Variants in RPH3A observed in about 807,000 individuals in gnomAD.
RPH3A encodes the protein rabphilin 3A.
Under a neutral mutation model 102.2 loss-of-function variants are expected in RPH3A, and 48 were observed. The observed-to-expected ratio is 0.47, with a 90% CI of 0.37 to 0.60. RPH3A has a LOEUF of 0.60. Among genes scored for constraint, RPH3A ranks in the 20% least tolerant of loss-of-function variants. RPH3A has a pLI of 0.00. For synonymous variants in RPH3A, 310 were observed against 324.3 expected (o/e 0.96, Z 0.47); for missense variants, 781 against 910.1 (o/e 0.86, Z 1.83).
At chr12:112,810,563 C>T (rs2041553400) in intron 2 of RPH3A, among the ~76,000 whole-genome samples, 1 of 152,254 alleles carries the variant, frequency 6.6e-6, no homozygotes, top group African/African-American at 2.4e-5. Context: ...TTTTCTTCCA[C>T]TTTACCTCCT....
chr12:112,654,173 T>TG (rs1220521534), intron 1 of RPH3A, among the ~76,000 whole-genome samples: 4 of 152,336 alleles, frequency 2.6e-5, no homozygotes, highest in East Asian at 1.9e-4. Flanking sequence ...AAACACGTCC[T>TG]GGGGGGTTTG....
At chr12:112,678,737 G>T (rs2136014906) in intron 1 of RPH3A, among the ~76,000 whole-genome samples, 1 of 152,236 alleles carries the variant, frequency 6.6e-6, no homozygotes, top group South Asian at 2.1e-4. Context: ...TCCATGTCAG[G>T]TGTGGCGCTC....
At chr12:112,858,284 A>G (rs1390377765) in intron 5 of RPH3A, among the ~76,000 whole-genome samples, 6 of 150,286 alleles carry the variant, frequency 4.0e-5, no homozygotes, top group African/African-American at 1.2e-4. Context: ...AAAAAAAAAA[A>G]AAAAAAAAAA....
chr12:112,801,850 G>A (rs1372428177), intron 2 of RPH3A, among the ~76,000 whole-genome samples: 1 of 151,868 alleles, frequency 6.6e-6, no homozygotes, highest in Non-Finnish European at 1.5e-5. Context: ...TATTTCTATT[G>A]CTTGTATATG....
chr12:112,855,401 C>A (rs1285964455), intron 5 of RPH3A, among the ~76,000 whole-genome samples: 3 of 152,206 alleles, frequency 2.0e-5, no homozygotes, highest in Non-Finnish European at 4.4e-5. Flanking sequence ...CAGCACCTTG[C>A]CCAGCATGGA....
intron 8 of RPH3A, 165 bp from the exon 9 acceptor site, chr12:112,869,594 T>G (rs749728373): frequency 5.3e-5 from 36 of 673,510 alleles, no homozygotes; most frequent in Middle Eastern, 4.1e-4. Flanking sequence ...AATGTGAAAT[T>G]GTAAACAGGA....
At chr12:112,599,381 C>A (rs2039540674) in intron 1 of RPH3A, among the ~76,000 whole-genome samples, 1 of 152,190 alleles carries the variant, frequency 6.6e-6, no homozygotes, top group African/African-American at 2.4e-5. Context: ...CATGCCTATA[C>A]AATGCAACAT....
chr12:112,729,252 T>C (rs1436127960), intron 1 of RPH3A, among the ~76,000 whole-genome samples: 1 of 152,020 alleles, frequency 6.6e-6, no homozygotes, highest in African/African-American at 2.4e-5. Context: ...TCCCTCCTAT[T>C]TGGTGGCACA....
At chr12:112,741,775 C>T (rs1298215028) in intron 1 of RPH3A, among the ~76,000 whole-genome samples, 1 of 152,194 alleles carries the variant, frequency 6.6e-6, no homozygotes, top group Non-Finnish European at 1.5e-5. Flanking sequence ...ATACAGCACA[C>T]AGGCCCCCCA....
intron 1 of RPH3A, among the ~76,000 whole-genome samples, chr12:112,711,756 A>G (rs945670094): frequency 6.6e-6 from 1 of 152,164 alleles, no homozygotes; most frequent in African/African-American, 2.4e-5. Flanking sequence ...GATAACCCAT[A>G]CTGCTTGCTG....
Position 112,778,688 on chromosome 12 carries a change from G to A in RPH3A, c.-139-13455G>A, listed in dbSNP as rs527497401. Among the ~76,000 whole-genome samples the A allele has an allele frequency of 1.2e-4, 18 of 152,262 alleles. No homozygotes were observed. In the South Asian group the frequency reaches 2.3e-3, roughly 19 times the overall value. On this transcript the variant is annotated intron_variant, in intron 1 of 21. Coordinates refer to the RPH3A transcript ENST00000543106. ...ATTGCTCTCTCTCTTTTGCATAGGC[G>A]TCAACTTCAGGCTGGAGGATACAAA...
chr12:112,791,867 G>GGAGAGAGAGCGAGAGAGA lies in RPH3A; in HGVS notation c.-276_-275insCGAGAGAGAGAGAGAGAG, dbSNP rs1555209153. ...CGCGGACTGGAAAGGAAGGGAGAAG[G>GGAGAGAGAGCGAGAGAGA]GAGAGAGAGAGAGAGAGAGAGAGAG... On this transcript the variant is annotated 5_prime_UTR_variant, in exon 1 of 22. Transcript: ENST00000389385. The GGAGAGAGAGCGAGAGAGA allele has an allele frequency of 6.2e-5, 3 of 48,484 alleles. No homozygotes were observed. Among genetic ancestry groups the GGAGAGAGAGCGAGAGAGA allele is most frequent in the African/African-American group, 2.9e-4 (3 of 10,408 alleles). 3.0% of individuals were successfully genotyped at this position (48,484 alleles called of 1,614,324 possible).
upstream of RPH3A, among the ~76,000 whole-genome samples, chr12:112,789,925 C>T (rs941219191): frequency 2.0e-5 from 3 of 150,348 alleles, no homozygotes; most frequent in Non-Finnish European, 3.0e-5. Context: ...AGGGTATATT[C>T]GTGTGCACCT....
At chr12:112,678,765 G>C (rs778328296) in intron 1 of RPH3A, among the ~76,000 whole-genome samples, 2 of 152,122 alleles carry the variant, frequency 1.3e-5, no homozygotes, top group African/African-American at 2.4e-5. Context: ...ATGGGGACGG[G>C]ACACAGCATC....
chr12:112,645,020 G>A (rs745789003), intron 1 of RPH3A, among the ~76,000 whole-genome samples: 144 of 152,268 alleles, frequency 9.5e-4, no homozygotes, highest in Non-Finnish European at 1.4e-3. Context: ...TGCCAGAGAC[G>A]ATAAATTTTC....
chr12:112,774,791 G>T (rs771703139), intron 1 of RPH3A, among the ~76,000 whole-genome samples: 2 of 151,756 alleles, frequency 1.3e-5, no homozygotes, highest in South Asian at 2.1e-4. Flanking sequence ...GTGAGGTAGG[G>T]GGCGGAGAGC....
chr12:112,576,699 C>T (rs1036276209), intron 1 of RPH3A, among the ~76,000 whole-genome samples: 2 of 152,120 alleles, frequency 1.3e-5, no homozygotes, highest in Admixed American at 1.3e-4. Flanking sequence ...TCTGGCCCCA[C>T]ATAATTTGGT....
At chr12:112,745,840 A>G (rs963836820) in intron 1 of RPH3A, among the ~76,000 whole-genome samples, 2 of 152,168 alleles carry the variant, frequency 1.3e-5, no homozygotes, top group Non-Finnish European at 2.9e-5. Flanking sequence ...CCACAGGGTC[A>G]GGGGAGGTGG....
chr12:112,605,995 A>C (rs1397278766), intron 1 of RPH3A, among the ~76,000 whole-genome samples: 2 of 152,196 alleles, frequency 1.3e-5, no homozygotes, highest in East Asian at 3.8e-4. Flanking sequence ...ATTCTCACAA[A>C]AATTCTGTTA....
Sources: allele counts gnomAD v4.1 joint callset (sites outside exome capture counted in the v4.1 genomes callset), GRCh38; gene constraint gnomAD v4.1.1; transcripts MANE v1.5; gene names NCBI Gene and HGNC (gene_info 2026-07-23, HGNC 2026-07-21).